PAN3: variants seen among roughly 807,000 people sequenced by gnomAD.
PAN3 encodes the protein PAN2-PAN3 deadenylation complex subunit PAN3.
A neutral mutation model predicts 96.2 loss-of-function variants in PAN3; 19 were observed. The observed-to-expected ratio is 0.20, with a 90% CI of 0.14 to 0.29. The LOEUF is 0.29. PAN3 is among the 10% of genes least tolerant of loss of function. PAN3 has a pLI of 1.00. For synonymous variants in PAN3, 433 were observed against 406.6 expected (o/e 1.06, Z -0.78); for missense variants, 882 against 1,108.1 (o/e 0.80, Z 2.90).
At chr13:28,146,314 CT>C in intron 1 of PAN3, among the ~76,000 whole-genome samples, 1 of 151,716 alleles carries the variant, frequency 6.6e-6, no homozygotes, top group African/African-American at 2.4e-5. Context: ...CTCTCTCTCT[CT>C]CTCTCTCTCT....
chr13:28,247,933 T>C (rs1334475679), intron 6 of PAN3, among the ~76,000 whole-genome samples: 1 of 152,172 alleles, frequency 6.6e-6, no homozygotes, highest in Non-Finnish European at 1.5e-5. Flanking sequence ...GAATTTTGTA[T>C]TGTTTTTTCT....
chr13:28,202,665 AC>A (rs1878878569), intron 5 of PAN3, among the ~76,000 whole-genome samples: 1 of 151,982 alleles, frequency 6.6e-6, no homozygotes, highest in Admixed American at 6.6e-5. Context: ...GTATACACAC[AC>A]ACACACACAC....
At chr13:28,159,748 A>G (rs746955337) in intron 1 of PAN3, among the ~76,000 whole-genome samples, 2 of 151,974 alleles carry the variant, frequency 1.3e-5, no homozygotes, top group African/African-American at 2.4e-5. Flanking sequence ...ACACCTGGCC[A>G]ATACTGGAGA....
At position 28,185,493 on chromosome 13, in the gene PAN3, C is replaced by T. The variant is rs377405696; in HGVS notation, c.690+7558C>T. On this transcript the variant is annotated intron_variant, in intron 4 of 18. Transcript: ENST00000380958. ...ATTTTAATTGGCACTTTGTGTGCAG[C>T]GACCATTTGTTTTTGTTTAATCCAG... is the stretch of plus-strand genomic sequence containing the variant. 1.8e-4 allele frequency among the ~76,000 whole-genome samples: 27 copies of T among 152,188 alleles called. No homozygotes were observed. In the East Asian group the frequency reaches 3.7e-3, roughly 21 times the overall value.
At chr13:28,162,646 T>TAA (rs59805706) in intron 1 of PAN3, among the ~76,000 whole-genome samples, 5,215 of 140,106 alleles carry the variant, frequency 0.037, 279 homozygotes, top group African/African-American at 0.13. Context: ...GACTCTGCCT[T>TAA]AAAAAAAAAA....
At chr13:28,174,020 A>C (rs1276194209) in intron 1 of PAN3, among the ~76,000 whole-genome samples, 1 of 152,206 alleles carries the variant, frequency 6.6e-6, no homozygotes, top group East Asian at 1.9e-4. Flanking sequence ...ACTTAATCAT[A>C]TTGTGCCTGG....
chr13:28,282,241 AT>A (rs1212924172), intron 17 of PAN3, among the ~76,000 whole-genome samples: 2 of 152,152 alleles, frequency 1.3e-5, no homozygotes, highest in Non-Finnish European at 2.9e-5. Context: ...GTAGAACAGA[AT>A]TTGCAATTAC....
At chr13:28,213,148 CA>C (rs1172016143) in intron 5 of PAN3, among the ~76,000 whole-genome samples, 1 of 151,798 alleles carries the variant, frequency 6.6e-6, no homozygotes, top group Non-Finnish European at 1.5e-5. Context: ...ACCCAAACAC[CA>C]AAAAAATCAT....
chr13:28,164,565 GA>G (rs1482121018), intron 1 of PAN3, among the ~76,000 whole-genome samples: 1 of 152,202 alleles, frequency 6.6e-6, no homozygotes, highest in African/African-American at 2.4e-5. Flanking sequence ...GTTCCATGTA[GA>G]AAGGGTTCCC....
chr13:28,206,305 G>A (rs771168421), intron 5 of PAN3, among the ~76,000 whole-genome samples: 23 of 140,618 alleles, frequency 1.6e-4, no homozygotes, highest in African/African-American at 4.5e-4. Context: ...TGATAAGATC[G>A]TCTAACTGAC....
At chr13:28,224,030 G>A (rs1390739477) in intron 6 of PAN3, among the ~76,000 whole-genome samples, 3 of 151,564 alleles carry the variant, frequency 2.0e-5, no homozygotes, top group Admixed American at 6.6e-5. Context: ...CACCGCGCCC[G>A]GCTAATTTTT....
intron 1 of PAN3, among the ~76,000 whole-genome samples, chr13:28,161,139 G>A (rs1473648821): frequency 6.6e-6 from 1 of 151,964 alleles, no homozygotes; most frequent in Non-Finnish European, 1.5e-5. Context: ...TTATTAACCT[G>A]TATTTTTAGT....
intron 12 of PAN3, among the ~76,000 whole-genome samples, chr13:28,270,404 A>G (rs1291398941): frequency 1.3e-5 from 2 of 152,230 alleles, no homozygotes; most frequent in South Asian, 2.1e-4. Flanking sequence ...TATTTGGTTA[A>G]CAATTACATA....
chr13:28,175,387 C>A (rs1379397345), intron 2 of PAN3, among the ~76,000 whole-genome samples: 1 of 152,136 alleles, frequency 6.6e-6, no homozygotes, highest in Non-Finnish European at 1.5e-5. Flanking sequence ...GTAGGTAGGA[C>A]TACAGGTGTG....
intron 5 of PAN3, among the ~76,000 whole-genome samples, chr13:28,206,348 G>A (rs1189708548): frequency 8.1e-6 from 1 of 123,742 alleles, no homozygotes; most frequent in Non-Finnish European, 1.6e-5. Flanking sequence ...TTGAGACAGA[G>A]TTTCGCACTG....
At chr13:28,228,814 A>G (rs1216582583) in intron 6 of PAN3, among the ~76,000 whole-genome samples, 1 of 152,218 alleles carries the variant, frequency 6.6e-6, no homozygotes, top group Non-Finnish European at 1.5e-5. Context: ...AATATAGGTC[A>G]TAATCTTATT....
intron 4 of PAN3, among the ~76,000 whole-genome samples, chr13:28,194,466 A>ATATATATATTTTTTT (rs1429166016): frequency 2.9e-4 from 35 of 122,110 alleles, no homozygotes; most frequent in African/African-American, 1.2e-3. Context: ...ATATATATAT[A>ATATATATATTTTTTT]TTTTTTTTTT....
intron 6 of PAN3, among the ~76,000 whole-genome samples, chr13:28,225,999 T>G (rs937124870): frequency 6.6e-6 from 1 of 152,214 alleles, no homozygotes; most frequent in African/African-American, 2.4e-5. Context: ...ATATTACTAC[T>G]TTGGTATCCA....
At position 28,144,658 on chromosome 13, in the gene PAN3, T is replaced by G. The variant is rs544194709; in HGVS notation, c.430+5571T>G. 9.2e-5 allele frequency among the ~76,000 whole-genome samples: 14 copies of G among 151,518 alleles called. No homozygotes were observed. The South Asian group carries it at 2.9e-3, about 32-fold the overall frequency. On this transcript the variant is annotated intron_variant, in intron 1 of 18. Coordinates refer to ENST00000380958, the MANE Select transcript of PAN3 (RefSeq NM_175854.8). ...GAGTGGTATGATCATAGACTGAAAG[T>G]GCATTTGAAATGACCCTTTAAGAAG...
Sources: allele counts gnomAD v4.1 joint callset (sites outside exome capture counted in the v4.1 genomes callset), GRCh38; gene constraint gnomAD v4.1.1; transcripts MANE v1.5; gene names NCBI Gene and HGNC (gene_info 2026-07-23, HGNC 2026-07-21).